TENM2: variants seen among roughly 807,000 people sequenced by gnomAD.
The protein encoded by TENM2 is teneurin transmembrane protein 2, also known as teneurin-2.
A neutral mutation model predicts 245.2 loss-of-function variants in TENM2; 52 were observed. The observed-to-expected ratio is 0.21, with a 90% CI of 0.17 to 0.27. TENM2 has a LOEUF of 0.27. Among genes scored for constraint, TENM2 ranks in the 10% least tolerant of loss-of-function variants. TENM2 has a pLI of 1.00. For missense variants in TENM2, 3,046 were observed against 3,666.8 expected (o/e 0.83, Z 4.37); for synonymous variants, 1,363 against 1,438.9 (o/e 0.95, Z 1.19).
At chr5:167,841,017 T>G (rs1310052882) in intron 2 of TENM2, among the ~76,000 whole-genome samples, 2 of 151,994 alleles carry the variant, frequency 1.3e-5, no homozygotes, top group African/African-American at 4.8e-5. Context: ...GGCTGTCCAT[T>G]CATTGGAAGA....
chr5:167,214,043 A>G, the TENM2 span, among the ~76,000 whole-genome samples: 1 of 152,222 alleles, frequency 6.6e-6, no homozygotes, highest in African/African-American at 2.4e-5. Flanking sequence ...CAGGACCATA[A>G]TGTCGATCAA....
At chr5:167,470,454 C>CTTTTTTTTTTTTTTTTGTTTTTTTTTT (rs1766943864) in intron 2 of TENM2, among the ~76,000 whole-genome samples, 1 of 47,394 alleles carries the variant, frequency 2.1e-5, no homozygotes, top group Non-Finnish European at 3.6e-5. Flanking sequence ...GCAATGCTTG[C>CTTTTTTTTTTTTTTTTGTTTTTTTTTT]TTTTTTTTTT....
At chr5:168,226,350 G>T (rs1034528826) in intron 24 of TENM2, 87 bp downstream of exon 26, 2 of 1,313,788 alleles carry the variant, frequency 1.5e-6, no homozygotes, top group Non-Finnish European at 2.1e-6. Context: ...TATGCAGCCT[G>T]GGAGGACTTC....
intron 16 of TENM2, among the ~76,000 whole-genome samples, chr5:168,199,564 A>G (rs1761756857): frequency 6.6e-6 from 1 of 152,244 alleles, no homozygotes; most frequent in Non-Finnish European, 1.5e-5. Context: ...GCAGCTAGCA[A>G]TAAAGCCTGC....
chr5:167,929,002 AAGAG>A (rs1480599757), intron 3 of TENM2, among the ~76,000 whole-genome samples: 1 of 145,020 alleles, frequency 6.9e-6, no homozygotes, highest in Non-Finnish European at 1.5e-5. Context: ...AGGAGAGAGA[AAGAG>A]AGAAAAAGAA....
At chr5:167,265,396 G>A in the TENM2 span, among the ~76,000 whole-genome samples, 4 of 150,422 alleles carry the variant, frequency 2.7e-5, no homozygotes, top group Admixed American at 6.6e-5. Flanking sequence ...GGGTTTGCTC[G>A]ATGAATGCTA....
chr5:168,152,942 A>G (rs184919045), intron 12 of TENM2, among the ~76,000 whole-genome samples: 4 of 152,332 alleles, frequency 2.6e-5, no homozygotes, highest in African/African-American at 2.4e-5. Flanking sequence ...TCATCCTTCC[A>G]GAGGCTTGGG....
the TENM2 span, among the ~76,000 whole-genome samples, chr5:167,223,350 C>T: frequency 3.3e-5 from 5 of 152,066 alleles, no homozygotes; most frequent in East Asian, 9.7e-4. Flanking sequence ...CACCCCCATA[C>T]ACCCTTCTCA....
chr5:168,236,957 TA>T (rs1765497719), intron 25 of TENM2, among the ~76,000 whole-genome samples: 2 of 3,508 alleles, frequency 5.7e-4, no homozygotes, highest in South Asian at 0.011. Context: ...TATATATATA[TA>T]TATATATATA....
At chr5:167,153,252 T>G in the TENM2 span, among the ~76,000 whole-genome samples, 1 of 152,118 alleles carries the variant, frequency 6.6e-6, no homozygotes, top group African/African-American at 2.4e-5. Context: ...ACCAGAAACC[T>G]TACCGAGAAC....
At chr5:168,187,925 A>G (rs577906646) in intron 13 of TENM2, among the ~76,000 whole-genome samples, 2 of 152,262 alleles carry the variant, frequency 1.3e-5, no homozygotes, top group African/African-American at 4.8e-5. Context: ...TAAAGTGTGC[A>G]TGCCTGCTCA....
At chr5:167,190,002 G>C in the TENM2 span, among the ~76,000 whole-genome samples, 1 of 151,796 alleles carries the variant, frequency 6.6e-6, no homozygotes, top group Non-Finnish European at 1.5e-5. Context: ...CTCCTAATAG[G>C]GCACCTTTAA....
At chr5:168,031,713 G>T (rs941522086) in intron 5 of TENM2, among the ~76,000 whole-genome samples, 2 of 137,216 alleles carry the variant, frequency 1.5e-5, no homozygotes, top group African/African-American at 2.6e-5. Flanking sequence ...GGAGGGGAGG[G>T]AGGAAGGGAG....
At chr5:168,172,438 A>G (rs571631906) in intron 13 of TENM2, among the ~76,000 whole-genome samples, 31 of 152,338 alleles carry the variant, frequency 2.0e-4, no homozygotes, top group Middle Eastern at 3.4e-3. Flanking sequence ...AATCCCCACA[A>G]GAGCCCTGGG....
At chr5:167,224,013 C>A in the TENM2 span, among the ~76,000 whole-genome samples, 9 of 152,110 alleles carry the variant, frequency 5.9e-5, no homozygotes, top group African/African-American at 2.2e-4. Flanking sequence ...CTATCATGTT[C>A]TTTGCCCCGC....
At chr5:168,186,732 G>T (rs1251388840) in intron 13 of TENM2, 2 of 152,196 alleles carry the variant, frequency 1.3e-5, no homozygotes, top group Non-Finnish European at 2.9e-5. Context: ...GGGCCAGGCC[G>T]CTTTCCCTCT....
chr5:167,580,174 A>G (rs1774990850), intron 2 of TENM2, among the ~76,000 whole-genome samples: 1 of 152,186 alleles, frequency 6.6e-6, no homozygotes. Flanking sequence ...TTTCCTAACT[A>G]CCTGACGTGA....
intron 2 of TENM2, among the ~76,000 whole-genome samples, chr5:167,591,145 G>C (rs1377459744): frequency 1.3e-5 from 2 of 152,138 alleles, no homozygotes; most frequent in Non-Finnish European, 2.9e-5. Context: ...CACCAGCCTA[G>C]TGCAAAGCTC....
chr5:168,142,267 G>A (rs1326975953), intron 12 of TENM2, among the ~76,000 whole-genome samples: 1 of 152,246 alleles, frequency 6.6e-6, no homozygotes, highest in Non-Finnish European at 1.5e-5. Context: ...ATGCAGAGGT[G>A]AAAGTCTAGT....
Sources: gnomAD v4.1 joint callset for allele counts (sites outside exome capture counted in the v4.1 genomes callset) on GRCh38, gnomAD v4.1.1 for gene constraint, MANE v1.5 for transcripts, NCBI Gene and HGNC (gene_info 2026-07-23, HGNC 2026-07-21) for gene names.